FANCD2OS: variants seen among roughly 807,000 people sequenced by gnomAD.
FANCD2OS encodes the protein FANCD2 opposite strand.
In FANCD2OS, 11 loss-of-function variants were observed where a neutral mutation model predicts 13.2. The observed-to-expected ratio is 0.83, with a 90% confidence interval of 0.52 to 1.38. The LOEUF is 1.38. Ranked by LOEUF, FANCD2OS falls within the 40% of genes most tolerant of loss-of-function variation. FANCD2OS has a pLI of 0.00. For synonymous variants in FANCD2OS, 69 were observed against 84.5 expected (o/e 0.82, Z 1.01); for missense variants, 217 against 213.9 (o/e 1.01, Z -0.09).
chr3:10,087,149 C>T lies in FANCD2OS; in HGVS notation c.*44-5618G>A, dbSNP rs566518051. 9 of 1,614,112 alleles carry T rather than the reference C, an allele frequency of 5.6e-6. No homozygotes were observed. The highest frequency in any genetic ancestry group is 5.5e-5 in the South Asian group (5 of 91,082). On this transcript the variant is annotated intron_variant, in intron 2 of 2. Coordinates refer to the FANCD2OS transcript ENST00000524279. ...CTCCTTACAGCCAGAGCGTCCATTA[C>T]TTGCAGAATTTCCATCAAAGCATTC... is the stretch of plus-strand genomic sequence containing the variant.
chr3:10,106,894 G>T (rs1695508859), intron 1 of FANCD2OS, among the ~76,000 whole-genome samples: 1 of 152,180 alleles, frequency 6.6e-6, no homozygotes, highest in Admixed American at 6.5e-5. Context: ...GACAGAGGGA[G>T]ACTCCGTCTC....
intron 2 of FANCD2OS, among the ~76,000 whole-genome samples, chr3:10,095,878 AT>A (rs397950663): frequency 0.057 from 7,105 of 125,690 alleles, 141 homozygotes; most frequent in Admixed American, 0.14. Context: ...CTGAACAGTG[AT>A]TTTTTTTTTT....
In FANCD2OS at chr3:10,104,612, C is replaced by T; in HGVS notation, c.163G>A (p.Val55Ile). ...DLEVQLCFQE[V>I]TLVLDSPFLE... ...AATGGGCTGTCTAGGACTAGAGTGA[C>T]CTCTTGAAAGCACAGCTGCACTTCA... The change falls in exon 2 of 2, where the codon GTC becomes ATC. Residue 55 changes from valine (V) to isoleucine (I), a missense_variant. Coordinates refer to ENST00000450660, the MANE Select transcript of FANCD2OS (RefSeq NM_001164839.2). The T allele has an allele frequency of 6.2e-7, 1 of 1,614,146 alleles. No individual in the cohort carries two copies. Among genetic ancestry groups the T allele is most frequent in the Non-Finnish European group, 8.5e-7 (1 of 1,180,038 alleles).
At chr3:10,097,966 T>C (rs1452558443), downstream of FANCD2OS, among the ~76,000 whole-genome samples, 3 of 149,424 alleles carry the variant, frequency 2.0e-5, no homozygotes, top group African/African-American at 7.6e-5. Flanking sequence ...ATCTCTAATT[T>C]TAACTAATGA....
rs1373304921 is a variant in FANCD2OS, at chr3:10,088,489, T to G, written c.*44-6958A>C. ...AATTCCTCTGTCGGGTGTGGCCAAG[T>G]GGGGATAAAGAGAAGAGCAACATCT... is the stretch of plus-strand genomic sequence containing the variant. On this transcript the variant is annotated intron_variant, in intron 2 of 2. Transcript: ENST00000524279. The G allele has an allele frequency of 6.2e-7, 1 of 1,612,794 alleles. No homozygotes were observed. The highest frequency in any genetic ancestry group is 8.5e-7 in the Non-Finnish European group (1 of 1,178,782).
chr3:10,098,977 G>C, downstream of FANCD2OS: 1 of 1,613,950 alleles, frequency 6.2e-7, no homozygotes, highest in Non-Finnish European at 8.5e-7. Context: ...ATAATTTTTG[G>C]GACCCAGAAG....
chr3:10,088,475 C>G (rs759348779), intron 2 of FANCD2OS: 2 of 1,610,886 alleles, frequency 1.2e-6, no homozygotes, highest in Non-Finnish European at 1.7e-6. Flanking sequence ...ATTCCTCTGT[C>G]GGGTGTGGCC....
In FANCD2OS at chr3:10,085,953, G is replaced by A. The variant is rs775336123; in HGVS notation, c.*44-4422C>T. On this transcript the variant is annotated intron_variant, in intron 2 of 2. Transcript: ENST00000524279. ...TCATAACTACATAGCCAAGATTGTT[G>A]TCCCAAGAAACTCCTAGGAACAGGA... 4.1e-6 allele frequency: 6 copies of A among 1,462,212 alleles called. No individual in the cohort carries two copies. In the East Asian group the frequency reaches 1.4e-4, roughly 33 times the overall value. The allele number at this position is 1,462,212 out of a possible 1,614,324, so 90.6% of individuals were successfully genotyped here. A position where few individuals can be genotyped will look rare whatever the true frequency, so the allele number is the denominator to read the frequency against.
intron 2 of FANCD2OS, among the ~76,000 whole-genome samples, chr3:10,089,519 G>T (rs1012599854): frequency 2.6e-5 from 4 of 152,066 alleles, no homozygotes; most frequent in African/African-American, 7.2e-5. Context: ...ACCCAGGCTG[G>T]AGTGCAGTGG....
intron 2 of FANCD2OS, chr3:10,090,281 C>T (rs2125081323): frequency 6.2e-7 from 1 of 1,608,208 alleles, no homozygotes; most frequent in East Asian, 2.2e-5. Flanking sequence ...CATGCTTTTC[C>T]CGTCTTCTAG....
chr3:10,087,052 T>A (rs2125072109), intron 2 of FANCD2OS: 1 of 1,490,240 alleles, frequency 6.7e-7, no homozygotes, highest in Non-Finnish European at 9.3e-7. Context: ...TGAAAGGGAC[T>A]TGGGCACGTC....
chr3:10,083,034 C>A (rs986660862), intron 2 of FANCD2OS, among the ~76,000 whole-genome samples: 1 of 152,136 alleles, frequency 6.6e-6, no homozygotes, highest in African/African-American at 2.4e-5. Context: ...CGAGACCAGC[C>A]TGGGAAGCAT....
intron 2 of FANCD2OS, chr3:10,095,352 A>G (rs1008686460): frequency 6.1e-6 from 7 of 1,138,538 alleles, no homozygotes; most frequent in Non-Finnish European, 9.2e-6. Flanking sequence ...TCCATGGGCT[A>G]CCATCCTTCT....
chr3:10,108,442 A>C (rs1695561784), upstream of FANCD2OS, among the ~76,000 whole-genome samples: 1 of 151,964 alleles, frequency 6.6e-6, no homozygotes, highest in Non-Finnish European at 1.5e-5. Context: ...CTTGGCCTTC[A>C]GGAGGGCTGG....
Position 10,103,958 on chromosome 3 carries a change from T to C in FANCD2OS, c.*283A>G, listed in dbSNP as rs1695396949. On this transcript the variant is annotated 3_prime_UTR_variant, in exon 2 of 2. Coordinates refer to ENST00000450660, the MANE Select transcript of FANCD2OS (RefSeq NM_001164839.2). ...TTTATGTGAGTTCACACTAGGCTCATTGGTTTATATCATTTGTTTAACGGT... is the reference window on the plus strand; with the variant it reads ...TTTATGTGAGTTCACACTAGGCTCACTGGTTTATATCATTTGTTTAACGGT... The C allele has an allele frequency of 2.7e-6, 1 of 370,500 alleles. No homozygotes were observed. The highest frequency in any genetic ancestry group is 4.8e-6 in the Non-Finnish European group (1 of 206,424). The allele number at this position is 370,500 out of a possible 1,614,324, so 23.0% of individuals were successfully genotyped here. A position where few individuals can be genotyped will look rare whatever the true frequency, so the allele number is the denominator to read the frequency against.
intron 2 of FANCD2OS, chr3:10,090,217 T>A: frequency 9.5e-7 from 1 of 1,057,416 alleles, no homozygotes; most frequent in Non-Finnish European, 1.5e-6. Flanking sequence ...AAGCTACTTT[T>A]GGTTCCTGGT....
At chr3:10,087,370 C>A (rs2125073917) in intron 2 of FANCD2OS, 1 of 1,106,848 alleles carries the variant, frequency 9.0e-7, no homozygotes, top group Non-Finnish European at 1.3e-6. Context: ...TGTAAATCCC[C>A]ACATAACCTT....
downstream of FANCD2OS, chr3:10,098,652 A>G (rs1046694316): frequency 3.2e-6 from 5 of 1,579,614 alleles, no homozygotes; most frequent in Non-Finnish European, 3.4e-6. Context: ...TGTAAACTCA[A>G]CCTTCTCCCC....
intron 2 of FANCD2OS, chr3:10,095,162 G>T: frequency 6.6e-7 from 1 of 1,513,302 alleles, no homozygotes; most frequent in Non-Finnish European, 9.2e-7. Context: ...ATGAAATCAG[G>T]ACATTTCATA....
Sources: allele counts gnomAD v4.1 joint callset (sites outside exome capture counted in the v4.1 genomes callset), GRCh38; gene constraint gnomAD v4.1.1; transcripts MANE v1.5; gene names NCBI Gene and HGNC (gene_info 2026-07-23, HGNC 2026-07-21).